Variants in LRGUK observed in about 807,000 individuals in gnomAD.
The protein encoded by LRGUK is leucine rich repeats and guanylate kinase domain containing.
A neutral mutation model predicts 76.0 loss-of-function variants in LRGUK; 65 were observed. That is an observed-to-expected ratio of 0.85 (90% CI 0.70 to 1.05). LRGUK has a LOEUF of 1.05. LRGUK is among the 50% of genes least tolerant of loss of function. LRGUK has a pLI of 0.00. For synonymous variants in LRGUK, 268 were observed against 265.6 expected, an observed-to-expected ratio of 1.01 and a Z score of -0.09; for missense variants, 758 against 732.8, an observed-to-expected ratio of 1.03 and a Z score of -0.40.
In LRGUK at chr7:134,163,408, G is replaced by A. The variant is rs145588149; in HGVS notation, c.807G>A (p.Gln269=). 2,428 of 1,612,306 alleles carry A rather than the reference G, an allele frequency of 1.5e-3. 2 individuals are homozygous for A. The highest frequency in any genetic ancestry group is 4.6e-3 in the Middle Eastern group (28 of 6,054). The change falls in exon 7 of 16, where the codon CAG becomes CAA. Residue 269 remains glutamine (Q), a synonymous_variant. Transcript: ENST00000645682. The stretch of plus-strand genomic sequence containing the variant: ...TTTTTCTGTTTTAGAGCAATAACCA[G>A]ATTGAGATGATCACAGGTTTGGAGG...
At chr7:134,196,154 TCA>T (rs1800478225) in intron 12 of LRGUK, among the ~76,000 whole-genome samples, 1 of 152,226 alleles carries the variant, frequency 6.6e-6, no homozygotes, top group Non-Finnish European at 1.5e-5. Context: ...ATATGAGAAG[TCA>T]CTCTTGCCAA....
At position 134,148,147 on chromosome 7, in the gene LRGUK, C is replaced by A; in HGVS notation, c.589-91C>A. ...CAGTAATGAATTCTAACTCTACATT[C>A]AAAAATACCTTCTTCTTGCACAGTT... On this transcript the variant is annotated intron_variant, in intron 4 of 15. Coordinates refer to ENST00000645682, the Ensembl canonical transcript of LRGUK. The A allele has an allele frequency of 8.0e-6, 6 of 747,836 alleles. No homozygotes were observed. In the East Asian group the frequency reaches 9.1e-5, roughly 11 times the overall value. 46.3% of individuals were successfully genotyped at this position (747,836 alleles called of 1,614,324 possible). A position where few individuals can be genotyped will look rare whatever the true frequency, so the allele number is the denominator to read the frequency against.
chr7:134,275,814 A>G, the LRGUK span, among the ~76,000 whole-genome samples: 1 of 152,214 alleles, frequency 6.6e-6, no homozygotes, highest in Non-Finnish European at 1.5e-5. Context: ...TTTTTATATC[A>G]TCTCATTCCA....
At chr7:134,143,367 G>C (rs775892413) in intron 4 of LRGUK, among the ~76,000 whole-genome samples, 1 of 152,160 alleles carries the variant, frequency 6.6e-6, no homozygotes, top group African/African-American at 2.4e-5. Flanking sequence ...AGGCTTTCTG[G>C]AAGCTTTGTT....
chr7:134,137,423 G>A (rs1172931477), intron 2 of LRGUK, among the ~76,000 whole-genome samples: 1 of 152,080 alleles, frequency 6.6e-6, no homozygotes, highest in African/African-American at 2.4e-5. Flanking sequence ...GGTTGAATTT[G>A]ATTCTGTAAA....
At chr7:134,177,006 T>C in exon 9 of LRGUK, 1 of 1,603,386 alleles carries the variant, frequency 6.2e-7, no homozygotes, top group Non-Finnish European at 8.5e-7. Context: ...TCTTCGTAAT[T>C]TTTATGCTTC....
chr7:134,155,160 C>T (rs1363926016), intron 5 of LRGUK, among the ~76,000 whole-genome samples: 1 of 152,138 alleles, frequency 6.6e-6, no homozygotes. Flanking sequence ...GTTTTCCTTG[C>T]ATAGTTTTTG....
At chr7:134,154,543 A>T (rs1256760804) in intron 5 of LRGUK, among the ~76,000 whole-genome samples, 2 of 152,250 alleles carry the variant, frequency 1.3e-5, no homozygotes, top group East Asian at 3.9e-4. Flanking sequence ...AGTTCTCTTT[A>T]CTCAGGAGCC....
At chr7:134,165,213 C>A (rs1462878517) in intron 7 of LRGUK, among the ~76,000 whole-genome samples, 2 of 152,154 alleles carry the variant, frequency 1.3e-5, no homozygotes, top group Non-Finnish European at 2.9e-5. Context: ...GTACCAGGCA[C>A]TTTCCTAAGT....
downstream of LRGUK, among the ~76,000 whole-genome samples, chr7:134,210,899 T>A (rs538910986): frequency 4.6e-5 from 7 of 152,254 alleles, no homozygotes; most frequent in South Asian, 1.5e-3. Flanking sequence ...GAACCAGGTG[T>A]CTACTGTGGA....
intron 5 of LRGUK, among the ~76,000 whole-genome samples, chr7:134,154,861 T>C (rs1188675077): frequency 6.6e-6 from 1 of 152,232 alleles, no homozygotes; most frequent in African/African-American, 2.4e-5. Context: ...GTGGTTAGCC[T>C]CTAATGTCTT....
At chr7:134,154,491 G>A (rs147590766) in intron 5 of LRGUK, among the ~76,000 whole-genome samples, 109 of 152,282 alleles carry the variant, frequency 7.2e-4, no homozygotes, top group African/African-American at 2.5e-3. Context: ...TGAGGTGACT[G>A]TGGGAGCAAG....
chr7:134,209,765 G>T (rs1033744628), exon 16 of LRGUK: 2 of 399,636 alleles, frequency 5.0e-6, no homozygotes, highest in Non-Finnish European at 8.8e-6. Flanking sequence ...CCCCCAGGCA[G>T]CCCACAGTCT....
chr7:134,174,025 C>G (rs1393941678), intron 7 of LRGUK, among the ~76,000 whole-genome samples: 1 of 151,106 alleles, frequency 6.6e-6, no homozygotes, highest in East Asian at 2.0e-4. Context: ...AGGAGAATCA[C>G]TTGAACCAGG....
intron 15 of LRGUK, among the ~76,000 whole-genome samples, chr7:134,218,393 G>A (rs2117146903): frequency 6.6e-6 from 1 of 152,152 alleles, no homozygotes; most frequent in East Asian, 1.9e-4. Context: ...TTTTTTGCAA[G>A]GTTTTATTTA....
intron 8 of LRGUK, 93 bp downstream of exon 8, chr7:134,174,729 T>C (rs1289048010): frequency 3.9e-6 from 3 of 760,284 alleles, no homozygotes; most frequent in Non-Finnish European, 6.9e-6. Context: ...GTACTTTTGA[T>C]AAAAGAATAT....
downstream of LRGUK, among the ~76,000 whole-genome samples, chr7:134,211,875 GC>G (rs1801287924): frequency 6.6e-6 from 1 of 152,218 alleles, no homozygotes; most frequent in South Asian, 2.1e-4. Flanking sequence ...GAAGGGCAGG[GC>G]TACAGCAAGT....
At chr7:134,158,228 G>T in intron 6 of LRGUK, 69 bp downstream of exon 6, 2 of 1,345,080 alleles carry the variant, frequency 1.5e-6, no homozygotes, top group South Asian at 1.4e-5. Context: ...CATGAATTAT[G>T]ACTACTTAGG....
downstream of LRGUK, among the ~76,000 whole-genome samples, chr7:134,210,877 C>T (rs1202752319): frequency 4.6e-5 from 7 of 152,204 alleles, no homozygotes; most frequent in East Asian, 5.8e-4. Flanking sequence ...ACAAAAGCCC[C>T]GCCACTCCCC....
Sources: gnomAD v4.1 joint callset for allele counts (sites outside exome capture counted in the v4.1 genomes callset) on GRCh38, gnomAD v4.1.1 for gene constraint, MANE v1.5 for transcripts, NCBI Gene and HGNC (gene_info 2026-07-23, HGNC 2026-07-21) for gene names.